PTPRT: variants seen among roughly 807,000 people sequenced by gnomAD.
PTPRT encodes the protein protein tyrosine phosphatase receptor type T, also known as receptor-type tyrosine-protein phosphatase T.
PTPRT carries 56 observed loss-of-function variants against 176.8 expected under a neutral mutation model. That is an observed-to-expected ratio of 0.32 (90% confidence interval 0.26 to 0.40). PTPRT has a LOEUF of 0.40. PTPRT is among the 10% of genes least tolerant of loss of function. The probability of loss-of-function intolerance (pLI) is 1.00; values close to 1 mark genes in which losing one functional copy is unlikely to be tolerated. For missense variants in PTPRT, 1,540 were observed against 1,908.2 expected (o/e 0.81, Z 3.60); for synonymous variants, 783 against 739.0 (o/e 1.06, Z -0.96).
intron 1 of PTPRT, among the ~76,000 whole-genome samples, chr20:43,162,528 T>C (rs1281345555): frequency 6.6e-6 from 1 of 152,210 alleles, no homozygotes; most frequent in Non-Finnish European, 1.5e-5. Context: ...CAAAGGCTAC[T>C]CCGTGCGGTC....
At chr20:42,253,516 G>A (rs1263821425) in intron 13 of PTPRT, among the ~76,000 whole-genome samples, 1 of 152,152 alleles carries the variant, frequency 6.6e-6, no homozygotes, top group Non-Finnish European at 1.5e-5. Context: ...GTTTTATTAA[G>A]CAGGGCCTGG....
intron 2 of PTPRT, among the ~76,000 whole-genome samples, chr20:42,810,165 G>C (rs905007325): frequency 6.6e-6 from 1 of 152,046 alleles, no homozygotes; most frequent in East Asian, 1.9e-4. Context: ...GTGGCAGCGT[G>C]CACCTGTAGT....
intron 9 of PTPRT, among the ~76,000 whole-genome samples, chr20:42,421,079 CTTCT>C (rs1035918104): frequency 2.0e-5 from 3 of 152,138 alleles, no homozygotes; most frequent in African/African-American, 7.2e-5. Flanking sequence ...AGAACTGCTT[CTTCT>C]TTATCTTTTA....
chr20:42,953,319 G>A (rs1370420330), intron 1 of PTPRT, among the ~76,000 whole-genome samples: 1 of 152,202 alleles, frequency 6.6e-6, no homozygotes, highest in African/African-American at 2.4e-5. Flanking sequence ...ACAGTGTGCA[G>A]AAGACTGAGG....
intron 7 of PTPRT, among the ~76,000 whole-genome samples, chr20:42,508,386 T>C (rs893763915): frequency 1.3e-4 from 20 of 152,086 alleles, no homozygotes; most frequent in African/African-American, 4.8e-4. Flanking sequence ...GGGGTCTGAA[T>C]CCCAGCTGTA....
At chr20:42,938,470 A>G (rs1054402279) in intron 1 of PTPRT, among the ~76,000 whole-genome samples, 3 of 152,134 alleles carry the variant, frequency 2.0e-5, no homozygotes, top group Non-Finnish European at 4.4e-5. Flanking sequence ...TTCAGGCCCA[A>G]TCATAATATA....
chr20:42,827,741 C>A (rs1031389236), intron 2 of PTPRT, among the ~76,000 whole-genome samples: 1 of 152,034 alleles, frequency 6.6e-6, no homozygotes, highest in African/African-American at 2.4e-5. Flanking sequence ...TGTGTGAGTT[C>A]TCAAGAGATC....
chr20:42,997,816 T>C (rs545228064), intron 1 of PTPRT, among the ~76,000 whole-genome samples: 1 of 152,290 alleles, frequency 6.6e-6, no homozygotes, highest in South Asian at 2.1e-4. Context: ...ATAAAGGTCA[T>C]GACCAGGATT....
chr20:42,618,797 A>G, intron 7 of PTPRT, among the ~76,000 whole-genome samples: 1 of 132,016 alleles, frequency 7.6e-6, no homozygotes, highest in Non-Finnish European at 1.6e-5. Context: ...TGCTTGGTAG[A>G]TCTTCCTCCA....
chr20:42,859,591 T>A (rs2078625045), intron 2 of PTPRT, among the ~76,000 whole-genome samples: 1 of 148,746 alleles, frequency 6.7e-6, no homozygotes, highest in South Asian at 2.1e-4. Flanking sequence ...TTTTAATTTT[T>A]TTTTTTTTTT....
chr20:42,619,537 T>G (rs1291598573), intron 7 of PTPRT, among the ~76,000 whole-genome samples: 1 of 132,558 alleles, frequency 7.5e-6, no homozygotes. Context: ...GCAGAGTGTT[T>G]TCCAACTTGG....
intron 17 of PTPRT, among the ~76,000 whole-genome samples, chr20:42,160,575 G>T (rs569147413): frequency 6.6e-6 from 1 of 152,138 alleles, no homozygotes; most frequent in Non-Finnish European, 1.5e-5. Context: ...ACTTTGAGGA[G>T]AAATTAGATA....
chr20:42,651,720 T>C (rs1415687278), intron 7 of PTPRT, among the ~76,000 whole-genome samples: 2 of 152,136 alleles, frequency 1.3e-5, no homozygotes, highest in African/African-American at 4.8e-5. Context: ...GACAAGTGAC[T>C]TCCTTCTCCA....
chr20:42,316,210 CT>C (rs1177596749), intron 11 of PTPRT, among the ~76,000 whole-genome samples: 3 of 152,224 alleles, frequency 2.0e-5, no homozygotes, highest in African/African-American at 7.2e-5. Flanking sequence ...CTAGACACAT[CT>C]AAAACTCAAC....
intron 12 of PTPRT, among the ~76,000 whole-genome samples, chr20:42,306,255 A>G (rs1346401968): frequency 2.6e-5 from 4 of 152,172 alleles, no homozygotes. Flanking sequence ...TATCTTACCT[A>G]AGGAGAGAAG....
chr20:43,087,879 T>C (rs894859178), intron 1 of PTPRT, among the ~76,000 whole-genome samples: 2 of 152,078 alleles, frequency 1.3e-5, no homozygotes, highest in African/African-American at 4.8e-5. Context: ...CAGAGGACAC[T>C]GAAGGCTGGG....
intron 2 of PTPRT, among the ~76,000 whole-genome samples, chr20:42,857,571 G>T (rs1392569388): frequency 6.6e-6 from 1 of 152,106 alleles, no homozygotes; most frequent in Non-Finnish European, 1.5e-5. Context: ...CCCACCCTCA[G>T]CTCATAACTG....
At chr20:43,054,965 G>A (rs543824854) in intron 1 of PTPRT, among the ~76,000 whole-genome samples, 3 of 152,284 alleles carry the variant, frequency 2.0e-5, no homozygotes, top group East Asian at 3.9e-4. Context: ...CAAAGGTGTT[G>A]TTCATGATGA....
intron 7 of PTPRT, among the ~76,000 whole-genome samples, chr20:42,485,704 T>C (rs1336653459): frequency 6.6e-6 from 1 of 152,142 alleles, no homozygotes; most frequent in Non-Finnish European, 1.5e-5. Flanking sequence ...ATTCTTGATC[T>C]TCCAAGGAAT....
Sources: allele counts gnomAD v4.1 joint callset (sites outside exome capture counted in the v4.1 genomes callset), GRCh38; gene constraint gnomAD v4.1.1; transcripts MANE v1.5; gene names NCBI Gene and HGNC (gene_info 2026-07-23, HGNC 2026-07-21).